The following SLC24A4 variants were observed in gnomAD, a reference collection of about 807,000 sequenced individuals.
SLC24A4 encodes the protein sodium/potassium/calcium exchanger 4.
SLC24A4 carries 53 observed loss-of-function variants against 79.0 expected under a neutral mutation model. That is an observed-to-expected ratio of 0.67 (90% CI 0.54 to 0.84). The LOEUF (loss-of-function observed/expected upper bound fraction) is 0.84, where lower values mean the gene tolerates loss of function less well. Ranked by LOEUF, SLC24A4 falls within the 40% of genes least tolerant of loss-of-function variation. SLC24A4 has a pLI of 0.00. For missense variants in SLC24A4, 731 were observed against 822.0 expected, an observed-to-expected ratio of 0.89 and a Z score of 1.35; for synonymous variants, 323 against 323.8, an observed-to-expected ratio of 1.00 and a Z score of 0.03.
chr14:92,334,228 T>C (rs2141602191), intron 2 of SLC24A4, among the ~76,000 whole-genome samples: 1 of 152,330 alleles, frequency 6.6e-6, no homozygotes, highest in East Asian at 1.9e-4. Flanking sequence ...GTTCTATTCC[T>C]TTCCCAGACA....
chr14:92,410,531 C>T (rs1890651102), intron 2 of SLC24A4, among the ~76,000 whole-genome samples: 1 of 152,082 alleles, frequency 6.6e-6, no homozygotes, highest in Non-Finnish European at 1.5e-5. Context: ...CCATGGATGC[C>T]CATGAGAGAG....
chr14:92,456,011 A>T (rs1893437995), intron 11 of SLC24A4, among the ~76,000 whole-genome samples: 1 of 152,324 alleles, frequency 6.6e-6, no homozygotes, highest in African/African-American at 2.4e-5. Flanking sequence ...GTGAGTGTAC[A>T]TTTTGTATAA....
intron 2 of SLC24A4, among the ~76,000 whole-genome samples, chr14:92,416,920 A>G (rs1891012007): frequency 6.6e-6 from 1 of 152,228 alleles, no homozygotes; most frequent in Non-Finnish European, 1.5e-5. Flanking sequence ...CAGTCATTCT[A>G]CACATATTAA....
intron 2 of SLC24A4, among the ~76,000 whole-genome samples, chr14:92,343,584 C>A (rs901159966): frequency 1.6e-4 from 11 of 67,552 alleles, no homozygotes; most frequent in African/African-American, 6.6e-4. Context: ...TTACTGTTTT[C>A]TTTCTTTCTT....
At chr14:92,345,651 G>A (rs7150840) in intron 2 of SLC24A4, among the ~76,000 whole-genome samples, 150,489 of 152,274 alleles carry the variant, frequency 0.99, 74,386 homozygotes, top group Middle Eastern at 1. Flanking sequence ...GCAGTGAGCC[G>A]AGATGGTGCC....
chr14:92,489,055 A>T (rs917343187), intron 14 of SLC24A4, among the ~76,000 whole-genome samples: 2 of 152,142 alleles, frequency 1.3e-5, no homozygotes, highest in African/African-American at 4.8e-5. Context: ...ACAGAAACTG[A>T]GGAAGGGTGA....
chr14:92,333,718 G>T (rs959009837), intron 2 of SLC24A4, among the ~76,000 whole-genome samples: 1 of 152,170 alleles, frequency 6.6e-6, no homozygotes, highest in Admixed American at 6.5e-5. Flanking sequence ...GGAGATGGAT[G>T]CAAGCGCTAG....
rs950655611 is a variant in SLC24A4 at position 92,398,670 on chromosome 14, G to A, written c.242-35242G>A. ...ATGGCTCAGAACATACCCCTTCCTC[G>A]TGTTAGCCAAAGCGAGAAGGGGGGT... is the stretch of plus-strand genomic sequence containing the variant. On this transcript the variant is annotated intron_variant, in intron 2 of 16. Coordinates refer to ENST00000532405, the MANE Select transcript of SLC24A4 (RefSeq NM_153646.4). This position sits in a 1 kb window ranked among gnomAD's most constrained non-coding sequence, Gnocchi z 4.1. Among the ~76,000 whole-genome samples, 5 of 152,110 alleles carry A rather than the reference G, an allele frequency of 3.3e-5. No individual in the cohort carries two copies. Among genetic ancestry groups the A allele is most frequent in the Admixed American group, 1.3e-4 (2 of 15,270 alleles).
chr14:92,411,549 C>T (rs1251209638), intron 2 of SLC24A4, among the ~76,000 whole-genome samples: 3 of 152,302 alleles, frequency 2.0e-5, no homozygotes, highest in East Asian at 1.9e-4. Context: ...CGCTGTCTCT[C>T]GGCCAGAGCT....
chr14:92,361,287 T>A (rs1887502563), intron 2 of SLC24A4, among the ~76,000 whole-genome samples: 1 of 152,040 alleles, frequency 6.6e-6, no homozygotes. Context: ...ACAACTATTT[T>A]TTTTTTTTTT....
intron 12 of SLC24A4, among the ~76,000 whole-genome samples, chr14:92,459,697 T>C (rs1893686421): frequency 6.6e-6 from 1 of 151,878 alleles, no homozygotes; most frequent in South Asian, 2.1e-4. Context: ...TCTTCCTCCC[T>C]TTCCCCTGTG....
At chr14:92,397,341 C>T (rs1352577527) in intron 2 of SLC24A4, among the ~76,000 whole-genome samples, 2 of 152,202 alleles carry the variant, frequency 1.3e-5, no homozygotes, top group Non-Finnish European at 2.9e-5. Flanking sequence ...CCCTGAGTCA[C>T]CATGTGGAGC....
At chr14:92,350,468 T>C (rs778744866) in intron 2 of SLC24A4, among the ~76,000 whole-genome samples, 4 of 152,166 alleles carry the variant, frequency 2.6e-5, no homozygotes, top group South Asian at 2.1e-4. Context: ...CCCTCCCAAA[T>C]TGTTGGCCGG....
At chr14:92,343,653 T>TTCCTTCCTTCCTTCCTTCC (rs58733128) in intron 2 of SLC24A4, among the ~76,000 whole-genome samples, 5 of 34,256 alleles carry the variant, frequency 1.5e-4, no homozygotes, top group South Asian at 1.4e-3. Flanking sequence ...TCTTTCCTTC[T>TTCCTTCCTTCCTTCCTTCC]TTCCTTCCTT....
chr14:92,479,636 A>G (rs1313474596), intron 12 of SLC24A4, among the ~76,000 whole-genome samples: 4 of 152,194 alleles, frequency 2.6e-5, no homozygotes, highest in African/African-American at 9.7e-5. Context: ...TTTTGCATCA[A>G]TATTCAGAAG....
chr14:92,490,796 G>A lies in SLC24A4; in HGVS notation c.1538-869G>A, dbSNP rs994472753. Among the ~76,000 whole-genome samples the A allele has an allele frequency of 2.6e-5, 4 of 152,218 alleles. No homozygotes were observed. The East Asian group carries it at 5.8e-4, about 22-fold the overall frequency. On this transcript the variant is annotated intron_variant, in intron 14 of 16. Transcript: ENST00000532405. The surrounding 1 kb of genome is among the most constrained non-coding windows in gnomAD (Gnocchi z 4.3). ...TGGCAGGAGAGATCATGAAGGGCCC[G>A]CATGCATCTGCTAGGCTTCGTTCCC...
In SLC24A4 at chr14:92,323,795, C is replaced by T. The variant is rs763234252; in HGVS notation, c.-36C>T. On this transcript the variant is annotated 5_prime_UTR_variant, in exon 1 of 17. Transcript: ENST00000532405. The surrounding 1 kb of genome is among the most constrained non-coding windows in gnomAD (Gnocchi z 4.9). ...TTGCACTCTGGCCGCTGAAGCTCCC[C>T]ATCCTCTCCCAGAGACGGCACCCAG... 16 of 1,538,304 alleles carry T rather than the reference C, an allele frequency of 1.0e-5. No individual in the cohort carries two copies. The South Asian group carries it at 1.5e-4, about 15-fold the overall frequency.
intron 2 of SLC24A4, among the ~76,000 whole-genome samples, chr14:92,375,501 A>T (rs1395043360): frequency 6.6e-6 from 1 of 152,262 alleles, no homozygotes; most frequent in East Asian, 1.9e-4. Flanking sequence ...AAACTTGTAA[A>T]CAAATATTCA....
intron 2 of SLC24A4, among the ~76,000 whole-genome samples, chr14:92,430,686 A>G (rs187653761): frequency 3.0e-4 from 46 of 152,226 alleles, no homozygotes; most frequent in Admixed American, 2.0e-3. Context: ...GGGAGTGGGG[A>G]GCAGCTGGCT....
Sources: allele counts gnomAD v4.1 joint callset (sites outside exome capture counted in the v4.1 genomes callset), GRCh38; gene constraint gnomAD v4.1.1; non-coding constraint Gnocchi (gnomAD v3.1); transcripts MANE v1.5; gene names NCBI Gene and HGNC (gene_info 2026-07-23, HGNC 2026-07-21).